Variants in CNPY3 observed in about 807,000 individuals in gnomAD.
The protein encoded by CNPY3 is canopy FGF signaling regulator 3, also known as protein canopy homolog 3.
CNPY3 carries 20 observed loss-of-function variants against 32.0 expected under a neutral mutation model. The observed-to-expected ratio is 0.63, with a 90% confidence interval of 0.44 to 0.91. The LOEUF (loss-of-function observed/expected upper bound fraction) is 0.91. CNPY3 is among the 40% of genes least tolerant of loss of function. The pLI is 0.00. For missense variants in CNPY3, 299 were observed against 340.8 expected (o/e 0.88, Z 0.97); for synonymous variants, 138 against 142.9 (o/e 0.97, Z 0.24).
chr6:42,938,042 CG>C, intron 4 of CNPY3, 47 bp from the exon 5 acceptor site: 1 of 1,550,426 alleles, frequency 6.4e-7, no homozygotes, highest in Non-Finnish European at 8.9e-7. Flanking sequence ...CCTCTAGGAG[CG>C]AGTCAGGTGC....
intron 3 of CNPY3, among the ~76,000 whole-genome samples, chr6:42,936,459 G>A (rs886994879): frequency 1.3e-5 from 2 of 152,210 alleles, no homozygotes; most frequent in Non-Finnish European, 2.9e-5. Flanking sequence ...GCCGTTTGGT[G>A]GACTAGTATG....
At chr6:42,934,446 C>T (rs753049259) in intron 1 of CNPY3, 29 bp from the exon 2 acceptor site, 4 of 1,613,404 alleles carry the variant, frequency 2.5e-6, no homozygotes, top group South Asian at 1.1e-5. Flanking sequence ...CATGTGCACT[C>T]AGTGGGCTGT....
chr6:42,933,066 C>T (rs1767947709), intron 1 of CNPY3, among the ~76,000 whole-genome samples: 1 of 152,158 alleles, frequency 6.6e-6, no homozygotes, highest in Non-Finnish European at 1.5e-5. Flanking sequence ...TGGAGAGACA[C>T]ATCAAATGAC....
At chr6:42,932,913 A>G (rs1767934810) in intron 1 of CNPY3, among the ~76,000 whole-genome samples, 1 of 152,202 alleles carries the variant, frequency 6.6e-6, no homozygotes, top group Non-Finnish European at 1.5e-5. Flanking sequence ...TAGCCTTCAG[A>G]CTGGTATTCC....
chr6:42,931,170 G>A (rs966966349), intron 1 of CNPY3, among the ~76,000 whole-genome samples: 18 of 151,148 alleles, frequency 1.2e-4, no homozygotes, highest in South Asian at 4.2e-4. Context: ...GCTTATAGGC[G>A]TGAGCCTCTG....
At chr6:42,932,015 G>C (rs976148433) in intron 1 of CNPY3, among the ~76,000 whole-genome samples, 2 of 152,158 alleles carry the variant, frequency 1.3e-5, no homozygotes, top group Non-Finnish European at 2.9e-5. Context: ...GAGCCTCCGT[G>C]CCCAGCCTGT....
chr6:42,933,142 T>C lies in CNPY3; in HGVS notation c.152-1333T>C, dbSNP rs570096548. On this transcript the variant is annotated intron_variant, in intron 1 of 5. Transcript: ENST00000372836. ...GAGTGAAATCTAGAGCAATTGGCAT[T>C]AGTGCAGAATGGCTTCCTGGGGGAG... 2.0e-5 allele frequency among the ~76,000 whole-genome samples: 3 copies of C among 152,254 alleles called. No homozygotes were observed. In the South Asian group the frequency reaches 6.2e-4, roughly 32 times the overall value.
rs58670140 is a variant in CNPY3 at position 42,931,227 on chromosome 6, C to CT, written c.151+1522dup. Among the ~76,000 whole-genome samples, 266 of 128,912 alleles carry CT rather than the reference C, an allele frequency of 2.1e-3. 2 individuals carry two copies. Among genetic ancestry groups the CT allele is most frequent in the East Asian group, 9.1e-3 (40 of 4,374 alleles). The allele number at this position is 128,912 out of a possible 152,430, so 84.6% of individuals were successfully genotyped here. A position where few individuals can be genotyped will look rare whatever the true frequency, so the allele number is the denominator to read the frequency against. On this transcript the variant is annotated intron_variant, in intron 1 of 5. Transcript: ENST00000372836. Reference sequence around the variant, plus strand: ...TTCGCTCTTCCTCTAGTCCTGATAGCTTTTTTTTTTTTTTTTGAGATGGAG... The same window carrying CT: ...TTCGCTCTTCCTCTAGTCCTGATAGCTTTTTTTTTTTTTTTTTGAGATGGAG...
chr6:42,937,262 T>C (rs1320714439), intron 3 of CNPY3, among the ~76,000 whole-genome samples: 2 of 152,034 alleles, frequency 1.3e-5, no homozygotes, highest in Non-Finnish European at 2.9e-5. Flanking sequence ...GGGGTATATG[T>C]GCAGGGGTTG....
intron 2 of CNPY3, 42 bp from the exon 3 acceptor site, chr6:42,935,532 G>A: frequency 6.3e-7 from 1 of 1,588,640 alleles, no homozygotes; most frequent in Non-Finnish European, 8.6e-7. Flanking sequence ...ACCCACTGCG[G>A]CTAGGAGGGG....
rs925490070 is a variant in CNPY3, at chr6:42,935,555, C to T, written c.276-19C>T. 1.2e-6 allele frequency: 2 copies of T among 1,601,562 alleles called. No individual in the cohort carries two copies. Among genetic ancestry groups the T allele is most frequent in the Non-Finnish European group, 1.7e-6 (2 of 1,169,742 alleles). On this transcript the variant is annotated intron_variant, in intron 2 of 5. Coordinates refer to ENST00000372836, the MANE Select transcript of CNPY3 (RefSeq NM_006586.5). ...CGGCTAGGAGGGGAACTCAGTTCCT[C>T]ATCCTCCTGTCTTGGCAGGGACTTG...
At chr6:42,932,966 C>T (rs569515911) in intron 1 of CNPY3, among the ~76,000 whole-genome samples, 16 of 152,276 alleles carry the variant, frequency 1.1e-4, no homozygotes, top group African/African-American at 3.6e-4. Flanking sequence ...CAAGATTTAT[C>T]GAGCGTCCAG....
Position 42,938,136 on chromosome 6 carries a change from A to G in CNPY3, c.542A>G (p.Tyr181Cys). Residue 181 changes from tyrosine (Y) to cysteine (C), a missense_variant, in exon 5 of 6, where the codon TAC becomes TGC. By Grantham distance (194) the Tyr-to-Cys change is radical. Coordinates refer to ENST00000372836, the MANE Select transcript of CNPY3 (RefSeq NM_006586.5). Reference sequence around the variant, plus strand: ...TTTGAGGAGGTGATCGAGGACTGGTACAGGAACCACCAGGAGGAAGACCTG... The same window carrying G: ...TTTGAGGAGGTGATCGAGGACTGGTGCAGGAACCACCAGGAGGAAGACCTG... The part of the protein sequence containing the change: ...EEFEEVIEDW[Y>C]RNHQEEDLTE... 1.2e-6 allele frequency: 2 copies of G among 1,614,160 alleles called. No individual in the cohort carries two copies. The highest frequency in any genetic ancestry group is 1.7e-6 in the Non-Finnish European group (2 of 1,180,018).
chr6:42,930,594 T>C (rs1042412523), intron 1 of CNPY3, among the ~76,000 whole-genome samples: 8 of 152,164 alleles, frequency 5.3e-5, no homozygotes, highest in Non-Finnish European at 1.2e-4. Context: ...GACCTATTTC[T>C]TTTTCCTCAA....
At chr6:42,928,521 T>A (rs1767527203), upstream of CNPY3, among the ~76,000 whole-genome samples, 1 of 151,418 alleles carries the variant, frequency 6.6e-6, no homozygotes. Flanking sequence ...TGGGCTCAGG[T>A]GATCCTTCCG....
At chr6:42,932,756 C>A (rs1187911655) in intron 1 of CNPY3, among the ~76,000 whole-genome samples, 1 of 152,130 alleles carries the variant, frequency 6.6e-6, no homozygotes, top group East Asian at 1.9e-4. Flanking sequence ...AGATCACCAG[C>A]TTATTACTTG....
chr6:42,929,553 T>A lies in CNPY3; in HGVS notation c.-18T>A. On this transcript the variant is annotated 5_prime_UTR_variant, in exon 1 of 6. Coordinates refer to ENST00000372836, the MANE Select transcript of CNPY3 (RefSeq NM_006586.5). ...GGAGGAACCGCCCGGTCCTTTAGGG[T>A]CCGGGCCCGGCCGGGCCATGGATTC... The A allele has an allele frequency of 1.3e-6, 2 of 1,562,826 alleles. No homozygotes were observed. The highest frequency in any genetic ancestry group is 2.3e-5 in the South Asian group (2 of 86,224).
Position 42,937,707 on chromosome 6 carries a change from C to G in CNPY3, c.373-10C>G, listed in dbSNP as rs773681115. On this transcript the variant is annotated splice_polypyrimidine_tract_variant and intron_variant, in intron 3 of 5. Transcript: ENST00000372836. ...GAGCTCCGCCTGCCATATCTGGTCGCTTCTTCCAGGGCATGTCAGAGACCT... is the reference window on the plus strand; with the variant it reads ...GAGCTCCGCCTGCCATATCTGGTCGGTTCTTCCAGGGCATGTCAGAGACCT... The G allele has an allele frequency of 6.2e-7, 1 of 1,613,920 alleles. No individual in the cohort carries two copies. Among genetic ancestry groups the G allele is most frequent in the Non-Finnish European group, 8.5e-7 (1 of 1,179,930 alleles).
chr6:42,932,991 C>T (rs916139622), intron 1 of CNPY3, among the ~76,000 whole-genome samples: 51 of 152,168 alleles, frequency 3.4e-4, no homozygotes, highest in African/African-American at 1.2e-3. Flanking sequence ...TATCAAGTCC[C>T]AGGCTAAGGA....
Sources: allele counts gnomAD v4.1 joint callset (sites outside exome capture counted in the v4.1 genomes callset), GRCh38; gene constraint gnomAD v4.1.1; transcripts MANE v1.5; gene names NCBI Gene and HGNC (gene_info 2026-07-23, HGNC 2026-07-21).